Variants in RP1 observed in about 807,000 individuals in gnomAD.
RP1 encodes RP1 axonemal microtubule associated, also known as oxygen-regulated protein 1.
A neutral mutation model predicts 14.8 loss-of-function variants in RP1; 16 were observed. That is an observed-to-expected ratio of 1.08 (90% CI 0.73 to 1.65). The LOEUF is 1.65. Among genes scored for constraint, RP1 ranks in the 40% most tolerant of loss-of-function variants. RP1 has a pLI of 0.00. For synonymous variants in RP1, 876 were observed against 883.6 expected (o/e 0.99, Z 0.15); for missense variants, 2,631 against 2,535.0 (o/e 1.04, Z -0.81).
intron 24 of RP1, among the ~76,000 whole-genome samples, chr8:54,786,916 C>T (rs1810331800): frequency 6.6e-6 from 1 of 152,110 alleles, no homozygotes; most frequent in South Asian, 2.1e-4. Flanking sequence ...ATCCAAGTGG[C>T]TCTTGAGACA....
At chr8:54,607,190 G>C (rs562385867) in intron 1 of RP1, among the ~76,000 whole-genome samples, 4 of 152,192 alleles carry the variant, frequency 2.6e-5, no homozygotes, top group Non-Finnish European at 2.9e-5. Flanking sequence ...TACCTTTGGT[G>C]TTTGATAATG....
chr8:54,606,415 G>T (rs1283504974), intron 1 of RP1, among the ~76,000 whole-genome samples: 1 of 151,566 alleles, frequency 6.6e-6, no homozygotes, highest in Non-Finnish European at 1.5e-5. Context: ...GAGATCTGCT[G>T]TTACTCTGAT....
intron 22 of RP1, among the ~76,000 whole-genome samples, chr8:54,767,793 A>T (rs1809796792): frequency 1.3e-5 from 2 of 152,268 alleles, no homozygotes; most frequent in African/African-American, 4.8e-5. Flanking sequence ...GTAAGATTGC[A>T]TAATTAGGGG....
chr8:54,665,790 T>A (rs190190642), intron 7 of RP1, among the ~76,000 whole-genome samples: 1 of 152,166 alleles, frequency 6.6e-6, no homozygotes, highest in Non-Finnish European at 1.5e-5. Context: ...CTCAGTAGAC[T>A]ACTGATTGCT....
At chr8:54,777,814 A>G (rs556552923) in intron 23 of RP1, among the ~76,000 whole-genome samples, 167 of 152,294 alleles carry the variant, frequency 1.1e-3, no homozygotes, top group African/African-American at 3.9e-3. Flanking sequence ...TGACCTTGAA[A>G]ATGTGGATCA....
At chr8:54,568,598 A>C (rs1399040655) in intron 1 of RP1, among the ~76,000 whole-genome samples, 1 of 152,258 alleles carries the variant, frequency 6.6e-6, no homozygotes, top group African/African-American at 2.4e-5. Flanking sequence ...AGCTGACACC[A>C]ACTTACTCTG....
At chr8:54,658,773 T>C (rs942693103) in intron 6 of RP1, among the ~76,000 whole-genome samples, 3 of 152,138 alleles carry the variant, frequency 2.0e-5, no homozygotes, top group African/African-American at 4.8e-5. Flanking sequence ...CTGAATTATA[T>C]GGTAATTCCA....
At position 54,833,638 on chromosome 8, in the gene RP1, A is replaced by G. The variant is rs1262601606; in HGVS notation, c.3616-3812A>G. The stretch of plus-strand genomic sequence containing the variant: ...TTAATCACGCAACTCCTTCAAAAAC[A>G]TATCAGGACTTTGTTTTCCAATAGA... On this transcript the variant is annotated intron_variant, in intron 24 of 28. Transcript: ENST00000637698. Among the ~76,000 whole-genome samples the G allele has an allele frequency of 3.3e-5, 5 of 152,092 alleles. No individual in the cohort carries two copies. The East Asian group carries it at 9.6e-4, about 29-fold the overall frequency.
chr8:54,607,759 T>C (rs1805492215), intron 1 of RP1, among the ~76,000 whole-genome samples: 1 of 152,166 alleles, frequency 6.6e-6, no homozygotes. Flanking sequence ...ACCCCTCCCC[T>C]AGCCTCGCTG....
chr8:54,742,938 G>A (rs982547435), intron 19 of RP1, among the ~76,000 whole-genome samples: 1 of 152,168 alleles, frequency 6.6e-6, no homozygotes, highest in Non-Finnish European at 1.5e-5. Context: ...GGAGCACTCA[G>A]TCCTGGGAAC....
chr8:54,683,497 TCTC>T, intron 12 of RP1, among the ~76,000 whole-genome samples: 1 of 152,278 alleles, frequency 6.6e-6, no homozygotes, highest in Middle Eastern at 3.4e-3. Context: ...AGTTTGCAGT[TCTC>T]CTTGAAGAGA....
chr8:54,679,752 G>C, intron 11 of RP1: 1 of 1,528,204 alleles, frequency 6.5e-7, no homozygotes, highest in South Asian at 1.2e-5. Context: ...TCTTCTCTTT[G>C]TTTCTTCTCA....
intron 3 of RP1, among the ~76,000 whole-genome samples, chr8:54,647,767 T>G (rs941025829): frequency 6.6e-6 from 1 of 152,164 alleles, no homozygotes; most frequent in Admixed American, 6.5e-5. Flanking sequence ...CACAGCTTGC[T>G]GTGACCTCAA....
chr8:54,628,447 G>A lies in RP1; in HGVS notation c.4565G>A (p.Gly1522Asp), dbSNP rs77860871. ...KNIMEEKRMN[G>D]IIYEIISKRL... is the part of the protein sequence containing the mutation. ...ATTATGGAAGAAAAAAGAATGAACG[G>A]TATAATTTATGAAATAATCAGTAAG... The change falls in exon 4 of 4, where the codon GGT (glycine) becomes GAT (aspartate). Residue 1522 changes from glycine (G) to aspartate (D), a missense_variant. Gly to Asp is a moderately conservative substitution (Grantham distance 94). Coordinates refer to ENST00000220676, the MANE Select transcript of RP1 (RefSeq NM_006269.2). 9.5e-4 allele frequency: 1,538 copies of A among 1,613,206 alleles called. 9 individuals carry two copies. In the African/African-American group the frequency reaches 0.019, roughly 19 times the overall value.
chr8:54,785,904 G>T (rs1438530864), intron 24 of RP1, among the ~76,000 whole-genome samples: 1 of 151,966 alleles, frequency 6.6e-6, no homozygotes, highest in Non-Finnish European at 1.5e-5. Context: ...GAGAAGCAAC[G>T]ATTTGCCCAT....
intron 12 of RP1, chr8:54,680,078 C>A: frequency 9.2e-7 from 1 of 1,091,876 alleles, no homozygotes; most frequent in Non-Finnish European, 1.2e-6. Flanking sequence ...AATTTACTAT[C>A]TGTATTAATA....
chr8:54,820,082 C>A (rs1215032351), intron 24 of RP1, among the ~76,000 whole-genome samples: 1 of 152,094 alleles, frequency 6.6e-6, no homozygotes, highest in African/African-American at 2.4e-5. Context: ...TCTAAAACTG[C>A]CATCCAGGAG....
At position 54,627,313 on chromosome 8, in the gene RP1, G is replaced by A. The variant is rs2129317123; in HGVS notation, c.3431G>A (p.Ser1144Asn). 1 of 1,614,146 alleles carries A rather than the reference G, an allele frequency of 6.2e-7. No individual in the cohort carries two copies. The highest frequency in any genetic ancestry group is 8.5e-7 in the Non-Finnish European group (1 of 1,179,996). The change falls in exon 4 of 4, where the codon AGC (serine) becomes AAC (asparagine). Residue 1144 changes from serine to asparagine, a missense_variant. Ser to Asn is a conservative substitution (Grantham distance 46, BLOSUM62 1). Transcript: ENST00000220676. ...CTAAACCTAAAGGGAAGTATGAATA[G>A]CTTCTGTCAAGTTGATGCTCACAAG... The part of the protein sequence containing the change: ...LVLNLKGSMN[S>N]FCQVDAHKAT...
intron 2 of RP1, 56 bp from the exon 3 acceptor site, chr8:54,622,058 AAAT>A: frequency 6.4e-7 from 1 of 1,565,624 alleles, no homozygotes; most frequent in East Asian, 2.2e-5. Context: ...CAAAGTTATA[AAAT>A]TACCACTTAG....
Sources: allele counts gnomAD v4.1 joint callset (sites outside exome capture counted in the v4.1 genomes callset), GRCh38; gene constraint gnomAD v4.1.1; transcripts MANE v1.5; gene names NCBI Gene and HGNC (gene_info 2026-07-23, HGNC 2026-07-21).